NPHS1: variants seen among roughly 807,000 people sequenced by gnomAD.
NPHS1 encodes the protein NPHS1 adhesion molecule, nephrin, also known as nephrin.
NPHS1 carries 107 observed loss-of-function variants against 139.7 expected under a neutral mutation model. That is an observed-to-expected ratio of 0.77 (90% CI 0.66 to 0.90). NPHS1 has a LOEUF of 0.90. NPHS1 is among the 40% of genes least tolerant of loss of function. NPHS1 has a pLI of 0.00. For missense variants in NPHS1, 1,580 were observed against 1,654.2 expected (o/e 0.96, Z 0.78); for synonymous variants, 707 against 706.6 (o/e 1.00, Z -0.01).
chr19:35,849,158 G>T lies in NPHS1; in HGVS notation c.841-11C>A, dbSNP rs1476101126. The T allele has an allele frequency of 1.2e-6, 2 of 1,611,544 alleles. No individual in the cohort carries two copies. The highest frequency in any genetic ancestry group is 1.7e-5 in the Admixed American group (1 of 60,038). On this transcript the variant is annotated splice_polypyrimidine_tract_variant and intron_variant, in intron 7 of 28. Coordinates refer to ENST00000378910, the MANE Select transcript of NPHS1 (RefSeq NM_004646.4). The stretch of plus-strand genomic sequence containing the variant: ...CACCGGCTGGCCATTCTGGAGACAG[G>T]GACAGGCCTGGGCCAGCTCAGGACT...
At chr19:35,844,004 G>A in intron 16 of NPHS1, 99 bp downstream of exon 16, 1 of 1,511,656 alleles carries the variant, frequency 6.6e-7, no homozygotes, top group Non-Finnish European at 9.0e-7. Context: ...TCCAGGATGG[G>A]TGGCTATCCC....
rs1972874512 is a variant in NPHS1, at chr19:35,831,114, G to A, written c.3420C>T (p.Arg1140=). The A allele has an allele frequency of 1.2e-6, 2 of 1,614,096 alleles. No homozygotes were observed. The highest frequency in any genetic ancestry group is 8.5e-7 in the Non-Finnish European group (1 of 1,180,036). ...VSTTEAEPYY[R]SLRDFSPQLP... is the part of the protein sequence containing the mutation. ...GCTGGGGGCTGAAGTCCCTCAGGGAGCGGTAATACGGCTCTGCCTCTGTTG... is the reference window on the plus strand; with the variant it reads ...GCTGGGGGCTGAAGTCCCTCAGGGAACGGTAATACGGCTCTGCCTCTGTTG... The change falls in exon 27 of 29, where the codon CGC becomes CGT. Residue 1140 remains arginine (R), a synonymous_variant. Transcript: ENST00000378910.
chr19:35,828,446 A>T (rs1972829631), intron 28 of NPHS1, among the ~76,000 whole-genome samples: 1 of 152,042 alleles, frequency 6.6e-6, no homozygotes, highest in South Asian at 2.1e-4. Context: ...TTGTATTTTT[A>T]GTAGAGACGG....
At position 35,852,221 on chromosome 19, in the gene NPHS1, G is replaced by A. The variant is rs893490649; in HGVS notation, c.-384C>T. ...TGGGATTACAGGCGTGAGCCACTGC[G>A]CCCAGTCTCTTTATCTTTCCATCTT... is the stretch of plus-strand genomic sequence containing the variant. On this transcript the variant is annotated 5_prime_UTR_variant, in exon 1 of 29. Transcript: ENST00000378910. 1.8e-4 allele frequency among the ~76,000 whole-genome samples: 27 copies of A among 151,142 alleles called. No homozygotes were observed. The highest frequency in any genetic ancestry group is 3.2e-4 in the African/African-American group (13 of 41,168).
At position 35,851,576 on chromosome 19, in the gene NPHS1, C is replaced by T. The variant is rs771076402; in HGVS notation, c.155G>A (p.Arg52His). Residue 52 changes from arginine to histidine, a missense_variant, in exon 2 of 29, where the codon CGT becomes CAT. Arg to His is a conservative substitution (Grantham distance 29, BLOSUM62 0). Transcript: ENST00000378910. The stretch of plus-strand genomic sequence containing the variant: ...ACTGCCAGGGGTGCTGACCCCACAA[C>T]GCAGCTCCACTGAGGCCCCCTCCAC... ...TVVEGASVEL[R>H]CGVSTPGSAV... 4.6e-5 allele frequency: 74 copies of T among 1,613,874 alleles called. 2 individuals carry two copies. The South Asian group carries it at 5.7e-4, about 12-fold the overall frequency.
At chr19:35,833,356 C>G (rs1972909542) in intron 23 of NPHS1, among the ~76,000 whole-genome samples, 2 of 152,290 alleles carry the variant, frequency 1.3e-5, no homozygotes, top group South Asian at 4.2e-4. Context: ...GGGAGAACAG[C>G]CACTCCCCAA....
Position 35,848,135 on chromosome 19 carries a change from G to A in NPHS1, c.1346C>T (p.Pro449Leu), listed in dbSNP as rs1973170963. 6.2e-7 allele frequency: 1 copy of A among 1,614,052 alleles called. No homozygotes were observed. The highest frequency in any genetic ancestry group is 1.3e-5 in the African/African-American group (1 of 75,052). ...AGCCCGGAGCTTCTGGCCCTCTGGGGGACCCTCAATCCACAGTTTCTGGGC... is the reference window on the plus strand; with the variant it reads ...AGCCCGGAGCTTCTGGCCCTCTGGGAGACCCTCAATCCACAGTTTCTGGGC... ...YPAQKLWIEG[P>L]PEGQKLRAGT... The change falls in exon 11 of 29, where the codon CCC becomes CTC. Residue 449 changes from proline (P) to leucine (L), a missense_variant. Coordinates refer to ENST00000378910, the MANE Select transcript of NPHS1 (RefSeq NM_004646.4).
Position 35,826,479 on chromosome 19 carries a change from C to T in NPHS1, c.*35G>A, listed in dbSNP as rs769411662. The stretch of plus-strand genomic sequence containing the variant: ...GAGAGAGACCAGTGGAGTGTAAATT[C>T]CTGCAGGTGCAGGACAATGGGGTTG... On this transcript the variant is annotated 3_prime_UTR_variant, in exon 29 of 29. Transcript: ENST00000378910. The T allele has an allele frequency of 3.1e-6, 5 of 1,612,332 alleles. No individual in the cohort carries two copies. Among genetic ancestry groups the T allele is most frequent in the African/African-American group, 1.3e-5 (1 of 74,860 alleles).
chr19:35,841,935 C>T, intron 19 of NPHS1, 69 bp from the exon 20 acceptor site: 1 of 1,505,408 alleles, frequency 6.6e-7, no homozygotes, highest in Non-Finnish European at 9.1e-7. Flanking sequence ...ATCATCTATG[C>T]ATCCATCCAT....
Position 35,851,658 on chromosome 19 carries a change from C to T in NPHS1, c.73G>A (p.Ala25Thr). ...GLLTEGLAQL[A>T]IPASVPRGFW... ...CCCCGGGGAACGGAGGCAGGAATCG[C>T]CAACTGCGCCAGGCCTGAGGACACA... The change falls in exon 2 of 29, where the codon GCG (alanine) becomes ACG (threonine). Residue 25 changes from alanine (A) to threonine (T), a missense_variant. Ala to Thr is a moderately conservative substitution (Grantham distance 58). Transcript: ENST00000378910. The T allele has an allele frequency of 6.2e-7, 1 of 1,613,088 alleles. No homozygotes were observed. Among genetic ancestry groups the T allele is most frequent in the Non-Finnish European group, 8.5e-7 (1 of 1,179,602 alleles).
At chr19:35,839,941 C>CA (rs1437098252) in intron 20 of NPHS1, among the ~76,000 whole-genome samples, 1 of 148,748 alleles carries the variant, frequency 6.7e-6, no homozygotes, top group East Asian at 1.9e-4. Context: ...AAAGAAACAG[C>CA]AAAAAAATTC....
chr19:35,848,241 G>A lies in NPHS1; in HGVS notation c.1315+12C>T, dbSNP rs752150919. ...GGCTTGGGGGCATTGCTGGGCCAGG[G>A]CAGGGGCTCACATTTTACGTTCAGG... On this transcript the variant is annotated intron_variant, in intron 10 of 28. Transcript: ENST00000378910. The A allele has an allele frequency of 1.9e-6, 3 of 1,614,150 alleles. No homozygotes were observed. The highest frequency in any genetic ancestry group is 2.5e-6 in the Non-Finnish European group (3 of 1,180,032).
chr19:35,847,343 C>G (rs1412591361), intron 11 of NPHS1, among the ~76,000 whole-genome samples: 1 of 116,206 alleles, frequency 8.6e-6, no homozygotes, highest in Non-Finnish European at 1.7e-5. Flanking sequence ...CTGTGCCCAG[C>G]CTTTTTTTTT....
At chr19:35,828,078 AAAC>A (rs1177402540) in intron 28 of NPHS1, among the ~76,000 whole-genome samples, 2 of 152,258 alleles carry the variant, frequency 1.3e-5, no homozygotes, top group South Asian at 2.1e-4. Flanking sequence ...AAAACCAAAC[AAAC>A]AACAACAACA....
chr19:35,850,277 C>A, intron 5 of NPHS1, 87 bp downstream of exon 5: 1 of 1,056,462 alleles, frequency 9.5e-7, no homozygotes, highest in Non-Finnish European at 1.5e-6. Flanking sequence ...ATACCTAGCC[C>A]AAGCTTCATG....
In NPHS1 at chr19:35,848,241, G is replaced by T. The variant is rs752150919; in HGVS notation, c.1315+12C>A. ...GGCTTGGGGGCATTGCTGGGCCAGG[G>T]CAGGGGCTCACATTTTACGTTCAGG... is the stretch of plus-strand genomic sequence containing the variant. On this transcript the variant is annotated intron_variant, in intron 10 of 28. Transcript: ENST00000378910. 16 of 1,614,150 alleles carry T rather than the reference G, an allele frequency of 9.9e-6. No individual in the cohort carries two copies. The highest frequency in any genetic ancestry group is 1.6e-4 in the Middle Eastern group (1 of 6,062).
At chr19:35,830,989 G>A in intron 27 of NPHS1, 33 bp from the exon 28 acceptor site, 1 of 1,606,592 alleles carries the variant, frequency 6.2e-7, no homozygotes, top group Non-Finnish European at 8.5e-7. Context: ...ACACGATCAA[G>A]GCACCCAGTC....
Position 35,844,463 on chromosome 19 carries a change from C to T in NPHS1, c.1931-4G>A. 6.4e-7 allele frequency: 1 copy of T among 1,569,118 alleles called. No homozygotes were observed. The highest frequency in any genetic ancestry group is 8.6e-7 in the Non-Finnish European group (1 of 1,159,274). On this transcript the variant is annotated splice_polypyrimidine_tract_variant and splice_region_variant and intron_variant, in intron 14 of 28. Transcript: ENST00000378910. ...TCCCCCAGGAACTCTGGACGGTCTTCAGAGGGGGCGCCGCAGGGAGTCAAG... is the reference window on the plus strand; with the variant it reads ...TCCCCCAGGAACTCTGGACGGTCTTTAGAGGGGGCGCCGCAGGGAGTCAAG...
At chr19:35,846,595 T>C (rs757845112) in intron 11 of NPHS1, among the ~76,000 whole-genome samples, 4 of 152,228 alleles carry the variant, frequency 2.6e-5, no homozygotes, top group African/African-American at 7.2e-5. Flanking sequence ...AGTTCCTCAG[T>C]TCCTTTTCTT....
Sources: gnomAD v4.1 joint callset for allele counts (sites outside exome capture counted in the v4.1 genomes callset) on GRCh38, gnomAD v4.1.1 for gene constraint, MANE v1.5 for transcripts, NCBI Gene and HGNC (gene_info 2026-07-23, HGNC 2026-07-21) for gene names.